Variants in PTTG1IP2 observed in about 807,000 individuals in gnomAD.
The protein encoded by PTTG1IP2 is PTTG1IP family member 2.
chr7:90,475,932 T>G (rs548218534), intron 1 of PTTG1IP2, among the ~76,000 whole-genome samples: 10 of 133,970 alleles, frequency 7.5e-5, no homozygotes, highest in South Asian at 2.5e-4. Context: ...AGAATGAGAC[T>G]CTGTCTCAAA....
At chr7:90,472,487 A>G (rs1054160188) in intron 1 of PTTG1IP2, among the ~76,000 whole-genome samples, 1 of 152,236 alleles carries the variant, frequency 6.6e-6, no homozygotes, top group Non-Finnish European at 1.5e-5. Flanking sequence ...CTCCAAGGAA[A>G]TAAATTGAAG....
intron 6 of PTTG1IP2, among the ~76,000 whole-genome samples, chr7:90,506,282 C>G (rs6465267): frequency 6.6e-6 from 1 of 152,074 alleles, no homozygotes; most frequent in African/African-American, 2.4e-5. Context: ...CCAACTAAAT[C>G]GGGAGCATTG....
chr7:90,505,990 C>CAAA (rs59521168), intron 6 of PTTG1IP2, among the ~76,000 whole-genome samples: 22 of 77,346 alleles, frequency 2.8e-4, no homozygotes, highest in East Asian at 4.2e-4. Flanking sequence ...GACTCCGTCT[C>CAAA]AAAAAAAAAA....
chr7:90,497,547 G>C (rs1410194725), intron 6 of PTTG1IP2, among the ~76,000 whole-genome samples: 1 of 131,100 alleles, frequency 7.6e-6, no homozygotes, highest in East Asian at 2.2e-4. Context: ...CTGGGCGACA[G>C]AGCGAGAATC....
chr7:90,499,056 T>C (rs1221565074), intron 6 of PTTG1IP2, among the ~76,000 whole-genome samples: 2 of 152,132 alleles, frequency 1.3e-5, no homozygotes, highest in African/African-American at 4.8e-5. Flanking sequence ...TTCACTATAT[T>C]GCCCAGGCTG....
At chr7:90,493,104 C>T (rs1310106455) in intron 5 of PTTG1IP2, among the ~76,000 whole-genome samples, 2 of 152,116 alleles carry the variant, frequency 1.3e-5, no homozygotes, top group South Asian at 4.1e-4. Flanking sequence ...GGAAAGAGTA[C>T]TGCATAGTCC....
At chr7:90,485,012 T>C (rs748908876) in intron 2 of PTTG1IP2, among the ~76,000 whole-genome samples, 2 of 152,150 alleles carry the variant, frequency 1.3e-5, no homozygotes, top group Non-Finnish European at 2.9e-5. Flanking sequence ...TTATGTCTGG[T>C]CCAGCATTTG....
intron 1 of PTTG1IP2, among the ~76,000 whole-genome samples, chr7:90,471,770 A>C (rs1032813986): frequency 6.6e-6 from 1 of 152,178 alleles, no homozygotes; most frequent in African/African-American, 2.4e-5. Context: ...CTTATTCCGA[A>C]GATGAGAAGA....
intron 6 of PTTG1IP2, among the ~76,000 whole-genome samples, chr7:90,497,430 G>A (rs1157215377): frequency 2.0e-5 from 3 of 151,838 alleles, no homozygotes; most frequent in African/African-American, 2.4e-5. Flanking sequence ...CGGGCGTGGC[G>A]GCGGGCGCCT....
intron 6 of PTTG1IP2, among the ~76,000 whole-genome samples, chr7:90,503,565 G>A (rs920350963): frequency 1.3e-5 from 2 of 152,178 alleles, no homozygotes; most frequent in East Asian, 3.8e-4. Flanking sequence ...AACACTTAGA[G>A]GTCATTGTCA....
At chr7:90,510,499 TTGTG>T (rs148527314) in intron 6 of PTTG1IP2, among the ~76,000 whole-genome samples, 1 of 151,532 alleles carries the variant, frequency 6.6e-6, no homozygotes, top group Non-Finnish European at 1.5e-5. Context: ...CGAGCTTTAT[TTGTG>T]TGTGTGTGTG....
At chr7:90,505,102 G>T (rs1035266462) in intron 6 of PTTG1IP2, among the ~76,000 whole-genome samples, 2 of 152,118 alleles carry the variant, frequency 1.3e-5, no homozygotes, top group Non-Finnish European at 2.9e-5. Flanking sequence ...GTGTGTTTTT[G>T]ACAAATATTT....
Position 90,481,813 on chromosome 7 carries a change from T to C in PTTG1IP2, c.192+2539T>C, listed in dbSNP as rs538211118. The stretch of plus-strand genomic sequence containing the variant: ...GAGTCCATGTTTTTTTATTCATCTT[T>C]GTATCTCTAACACCTCACACATTTC... On this transcript the variant is annotated intron_variant, in intron 2 of 6. Coordinates refer to ENST00000509356, the MANE Select transcript of PTTG1IP2 (RefSeq NM_001365443.2). Among the ~76,000 whole-genome samples the C allele has an allele frequency of 3.0e-4, 45 of 152,296 alleles. 1 individual carries two copies. In the Middle Eastern group the frequency reaches 0.014, roughly 46 times the overall value.
chr7:90,506,086 T>C (rs1333482603), intron 6 of PTTG1IP2, among the ~76,000 whole-genome samples: 1 of 151,284 alleles, frequency 6.6e-6, no homozygotes, highest in Non-Finnish European at 1.5e-5. Flanking sequence ...AATTACACAC[T>C]TACAATGCAC....
intron 1 of PTTG1IP2, among the ~76,000 whole-genome samples, chr7:90,473,343 A>G (rs1260246888): frequency 6.6e-6 from 1 of 152,134 alleles, no homozygotes; most frequent in Non-Finnish European, 1.5e-5. Context: ...GCTAGACATG[A>G]CACTCCCTAA....
chr7:90,496,533 T>C (rs546557243), intron 6 of PTTG1IP2, among the ~76,000 whole-genome samples: 62 of 152,298 alleles, frequency 4.1e-4, no homozygotes, highest in African/African-American at 1.4e-3. Flanking sequence ...TCTTTTTTTG[T>C]AGTCTATCTA....
At chr7:90,477,901 T>A (rs1797767878) in intron 1 of PTTG1IP2, among the ~76,000 whole-genome samples, 1 of 151,668 alleles carries the variant, frequency 6.6e-6, no homozygotes, top group Non-Finnish European at 1.5e-5. Flanking sequence ...ATCGAGACCA[T>A]CCTGGCTAAC....
intron 6 of PTTG1IP2, among the ~76,000 whole-genome samples, chr7:90,499,828 A>G (rs112746897): frequency 6.6e-6 from 1 of 151,924 alleles, no homozygotes; most frequent in African/African-American, 2.4e-5. Flanking sequence ...AGTGATCCGC[A>G]TGCCTCAGCC....
chr7:90,472,773 T>C (rs1797706304), intron 1 of PTTG1IP2, among the ~76,000 whole-genome samples: 1 of 152,218 alleles, frequency 6.6e-6, no homozygotes, highest in Admixed American at 6.5e-5. Context: ...GTGTTATATA[T>C]ACACAGAGTG....
Sources: gnomAD v4.1 joint callset for allele counts (sites outside exome capture counted in the v4.1 genomes callset) on GRCh38, gnomAD v4.1.1 for gene constraint, MANE v1.5 for transcripts, NCBI Gene and HGNC (gene_info 2026-07-23, HGNC 2026-07-21) for gene names.